Variants in AVEN observed in about 807,000 individuals in gnomAD.
The protein encoded by AVEN is cell death regulator Aven.
In AVEN, 41 loss-of-function variants were observed where a neutral mutation model predicts 38.1. The observed-to-expected ratio is 1.08, with a 90% confidence interval of 0.84 to 1.40. The LOEUF is 1.40. Among genes scored for constraint, AVEN ranks in the 40% most tolerant of loss-of-function variants. The pLI, the probability that AVEN is intolerant of heterozygous loss-of-function variation, is 0.00. For synonymous variants in AVEN, 206 were observed against 171.8 expected, an observed-to-expected ratio of 1.20 and a Z score of -1.56; for missense variants, 605 against 438.8, an observed-to-expected ratio of 1.38 and a Z score of -3.38.
rs140146605 is a variant in AVEN, at chr15:34,036,880, C to G, written c.267+1900G>C. On this transcript the variant is annotated intron_variant, in intron 1 of 5. Transcript: ENST00000306730. The stretch of plus-strand genomic sequence containing the variant: ...ATCCCAGCACCTTGGGAGGCCGAGG[C>G]GGGTGGATCACCTGAGGTCAGGAGT... Among the ~76,000 whole-genome samples the G allele has an allele frequency of 5.8e-3, 884 of 152,210 alleles. 13 individuals carry two copies. Among genetic ancestry groups the G allele is most frequent in the African/African-American group, 0.02 (849 of 41,536 alleles).
chr15:34,015,498 T>A (rs28441662), intron 1 of AVEN, among the ~76,000 whole-genome samples: 9 of 150,502 alleles, frequency 6.0e-5, no homozygotes, highest in African/African-American at 2.0e-4. Context: ...TAAAAAAAAA[T>A]AAAAAAATTC....
At chr15:34,050,446 G>C (rs1899892597) in intron 5 of AVEN, among the ~76,000 whole-genome samples, 1 of 152,150 alleles carries the variant, frequency 6.6e-6, no homozygotes, top group Non-Finnish European at 1.5e-5. Flanking sequence ...ACATAAAAAT[G>C]TCTGCAAAAT....
rs766366851 is a variant in AVEN at position 33,866,712 on chromosome 15, A to AGAT, written c.987_989dup (p.Ser330dup). 3.7e-6 allele frequency: 6 copies of AGAT among 1,613,880 alleles called. No homozygotes were observed. The highest frequency in any genetic ancestry group is 1.7e-5 in the Admixed American group (1 of 60,016). On this transcript the variant is annotated inframe_insertion, in exon 6 of 6. Coordinates refer to ENST00000306730, the MANE Select transcript of AVEN (RefSeq NM_020371.3). ...GTTCCATGTTTTTTTCTTCAGTCAC[A>AGAT]GATGGTTTTGCACAAACTGGGGGAA...
At chr15:33,940,471 C>A (rs772841188) in intron 2 of AVEN, among the ~76,000 whole-genome samples, 3 of 152,108 alleles carry the variant, frequency 2.0e-5, no homozygotes, top group Non-Finnish European at 2.9e-5. Flanking sequence ...GAAAGTATGC[C>A]GGTCATACCT....
the AVEN span, chr15:33,852,357 TA>T: frequency 6.6e-6 from 1 of 152,118 alleles, no homozygotes; most frequent in Non-Finnish European, 1.5e-5. Flanking sequence ...CAGTAAGAAA[TA>T]TTTGCAGTGG....
In AVEN at chr15:33,872,854, T is replaced by TCTAAG. The variant is rs770713584; in HGVS notation, c.517-1829_517-1825dup. Among the ~76,000 whole-genome samples, 332 of 152,186 alleles carry TCTAAG rather than the reference T, an allele frequency of 2.2e-3. 1 individual carries two copies. The highest frequency in any genetic ancestry group is 7.1e-4 in the Non-Finnish European group (48 of 68,012). On this transcript the variant is annotated intron_variant, in intron 3 of 5. Coordinates refer to ENST00000306730, the MANE Select transcript of AVEN (RefSeq NM_020371.3). ...AAGGTATGAGAATCCCACTTGTGGA[T>TCTAAG]CTAAGAGACCGACACCCCTGTGGTC...
rs568669609 is a variant in AVEN at position 33,897,498 on chromosome 15, G to A, written c.446-21503C>T. Reference sequence around the variant, plus strand: ...TTGGCCAGGCTGGTCTTGAACCCCTGACCTCAGGCGATCTGCCTGCCTCAG... The same window carrying A: ...TTGGCCAGGCTGGTCTTGAACCCCTAACCTCAGGCGATCTGCCTGCCTCAG... On this transcript the variant is annotated intron_variant, in intron 2 of 5. Coordinates refer to ENST00000306730, the MANE Select transcript of AVEN (RefSeq NM_020371.3). 3.3e-5 allele frequency among the ~76,000 whole-genome samples: 5 copies of A among 152,126 alleles called. No individual in the cohort carries two copies. In the East Asian group the frequency reaches 7.9e-4, roughly 24 times the overall value.
At chr15:34,039,207 AGCGGGGCGGG>A (rs538246427), upstream of AVEN, 7 of 565,352 alleles carry the variant, frequency 1.2e-5, no homozygotes, top group African/African-American at 4.1e-5. Flanking sequence ...GCCGCAGCGG[AGCGGGGCGGG>A]GCGGGGCGGC....
chr15:33,865,220 T>G, downstream of AVEN: 5 of 1,611,694 alleles, frequency 3.1e-6, no homozygotes, highest in Non-Finnish European at 4.2e-6. Flanking sequence ...AAGATCAGCT[T>G]GGATAAATCT....
At chr15:33,948,927 C>T (rs1894613900) in intron 2 of AVEN, among the ~76,000 whole-genome samples, 1 of 152,190 alleles carries the variant, frequency 6.6e-6, no homozygotes, top group African/African-American at 2.4e-5. Context: ...CCCACCTTGG[C>T]CTCCCAAAGT....
chr15:33,970,542 C>A (rs1322348329), intron 2 of AVEN, among the ~76,000 whole-genome samples: 2 of 151,892 alleles, frequency 1.3e-5, no homozygotes, highest in Non-Finnish European at 2.9e-5. Context: ...AACAGCTGAA[C>A]CCTTAAGGGT....
At chr15:33,888,864 C>T (rs1891819786) in intron 2 of AVEN, among the ~76,000 whole-genome samples, 1 of 152,052 alleles carries the variant, frequency 6.6e-6, no homozygotes, top group African/African-American at 2.4e-5. Flanking sequence ...GATTCTCCTG[C>T]CTTAGCCTCC....
At chr15:34,035,444 T>C (rs1164297291) in intron 1 of AVEN, among the ~76,000 whole-genome samples, 1 of 152,096 alleles carries the variant, frequency 6.6e-6, no homozygotes, top group African/African-American at 2.4e-5. Context: ...CTTTTTCAAA[T>C]CTCAAAGTCA....
chr15:33,899,709 A>AC (rs1892411023), intron 2 of AVEN, among the ~76,000 whole-genome samples: 1 of 151,818 alleles, frequency 6.6e-6, no homozygotes, highest in Admixed American at 6.6e-5. Context: ...CTCGTGATCC[A>AC]CCTGCCTTGG....
At chr15:33,997,303 C>CA (rs956719231) in intron 2 of AVEN, among the ~76,000 whole-genome samples, 12 of 151,962 alleles carry the variant, frequency 7.9e-5, no homozygotes, top group Non-Finnish European at 1.5e-4. Context: ...ATCAAGACTA[C>CA]TTTTTTTTTA....
chr15:33,900,858 A>G (rs1429643700), intron 2 of AVEN, among the ~76,000 whole-genome samples: 1 of 152,166 alleles, frequency 6.6e-6, no homozygotes, highest in Non-Finnish European at 1.5e-5. Context: ...CTTCAGTAGT[A>G]ACCTTGAGAC....
intron 2 of AVEN, among the ~76,000 whole-genome samples, chr15:33,952,620 T>C (rs1337536687): frequency 2.0e-5 from 3 of 151,986 alleles, no homozygotes; most frequent in Non-Finnish European, 2.9e-5. Context: ...AATGAAAAAA[T>C]AGATATTAAA....
intron 3 of AVEN, among the ~76,000 whole-genome samples, chr15:33,872,026 A>G (rs1205737857): frequency 6.6e-6 from 1 of 152,188 alleles, no homozygotes; most frequent in Non-Finnish European, 1.5e-5. Context: ...AGCCTGGTCA[A>G]CCCTGGCAGC....
chr15:33,930,091 G>A (rs560257581), intron 2 of AVEN, among the ~76,000 whole-genome samples: 1 of 152,172 alleles, frequency 6.6e-6, no homozygotes, highest in Non-Finnish European at 1.5e-5. Flanking sequence ...TTAGGAAACT[G>A]TTCTAGCATG....
Sources: gnomAD v4.1 joint callset for allele counts (sites outside exome capture counted in the v4.1 genomes callset) on GRCh38, gnomAD v4.1.1 for gene constraint, MANE v1.5 for transcripts, NCBI Gene and HGNC (gene_info 2026-07-23, HGNC 2026-07-21) for gene names.